The following LIMCH1 variants were observed in gnomAD, a reference collection of about 807,000 sequenced individuals.
The protein encoded by LIMCH1 is LIM and calponin homology domains-containing protein 1.
In LIMCH1, 113 loss-of-function variants were observed where a neutral mutation model predicts 176.5. That is an observed-to-expected ratio of 0.64 (90% confidence interval 0.55 to 0.75). LIMCH1 has a LOEUF of 0.75. Ranked by LOEUF, LIMCH1 falls within the 30% of genes least tolerant of loss-of-function variation. The pLI, the probability that LIMCH1 is intolerant of heterozygous loss-of-function variation, is 0.00. For synonymous variants in LIMCH1, 619 were observed against 645.9 expected, an observed-to-expected ratio of 0.96 and a Z score of 0.63; for missense variants, 1,674 against 1,814.9, an observed-to-expected ratio of 0.92 and a Z score of 1.41.
chr4:41,453,933 C>T (rs967600020), intron 1 of LIMCH1, among the ~76,000 whole-genome samples: 1 of 152,048 alleles, frequency 6.6e-6, no homozygotes, highest in African/African-American at 2.4e-5. Flanking sequence ...CCATCTGCCT[C>T]CCCTCTTCTA....
chr4:41,399,005 G>A (rs1327050468), intron 1 of LIMCH1, among the ~76,000 whole-genome samples: 1 of 152,160 alleles, frequency 6.6e-6, no homozygotes, highest in Non-Finnish European at 1.5e-5. Flanking sequence ...TCTATGAAAA[G>A]ATTTCAGCTA....
intron 1 of LIMCH1, among the ~76,000 whole-genome samples, chr4:41,563,985 C>T (rs965358869): frequency 2.6e-5 from 4 of 152,158 alleles, no homozygotes; most frequent in Non-Finnish European, 5.9e-5. Flanking sequence ...GAACTGTGTT[C>T]CCCCTCTCTG....
Position 41,595,627 on chromosome 4 carries a change from G to A in LIMCH1, c.-240-3293G>A, listed in dbSNP as rs1271663792. ...TAGCTAGATGGCAAATGCTTGAAGAGTGTAAGGTATAAATGTTTAGTTCAT... is the reference window on the plus strand; with the variant it reads ...TAGCTAGATGGCAAATGCTTGAAGAATGTAAGGTATAAATGTTTAGTTCAT... On this transcript the variant is annotated intron_variant, in intron 1 of 31. Coordinates refer to ENST00000503057, the MANE Select transcript of LIMCH1 (RefSeq NM_001330672.2). Among the ~76,000 whole-genome samples, 3 of 152,194 alleles carry A rather than the reference G, an allele frequency of 2.0e-5. No homozygotes were observed. In the East Asian group the frequency reaches 5.8e-4, roughly 29 times the overall value.
chr4:41,579,701 T>C (rs1201803355), intron 1 of LIMCH1, among the ~76,000 whole-genome samples: 1 of 152,184 alleles, frequency 6.6e-6, no homozygotes, highest in African/African-American at 2.4e-5. Context: ...TTTTCTCTCC[T>C]CCCCCACTGT....
chr4:41,526,435 CTCTT>C (rs1442622497), intron 3 of LIMCH1, among the ~76,000 whole-genome samples: 1 of 152,168 alleles, frequency 6.6e-6, no homozygotes, highest in Non-Finnish European at 1.5e-5. Context: ...CCTGGTCAAA[CTCTT>C]TTCCTTTGCT....
intron 4 of LIMCH1, chr4:41,612,424 G>C (rs145650623): frequency 1.6e-6 from 1 of 634,316 alleles, no homozygotes; most frequent in East Asian, 2.7e-5. Flanking sequence ...AGTCTTTGCG[G>C]ATGAGAACAT....
chr4:41,627,542 A>G (rs554026180), intron 8 of LIMCH1, among the ~76,000 whole-genome samples: 2 of 152,332 alleles, frequency 1.3e-5, no homozygotes, highest in South Asian at 4.1e-4. Flanking sequence ...ATGATAATGG[A>G]TATTTCCCAT....
At position 41,425,959 on chromosome 4, in the gene LIMCH1, G is replaced by A. The variant is rs187798823; in HGVS notation, c.96+65023G>A. ...TTAAGGAACATTTATATGCATGTGA[G>A]TGGTTTTGATTTGAAACTAAGGATG... On this transcript the variant is annotated intron_variant, in intron 1 of 26. Transcript: ENST00000313860. 1.5e-4 allele frequency among the ~76,000 whole-genome samples: 23 copies of A among 151,648 alleles called. No homozygotes were observed. In the East Asian group the frequency reaches 4.5e-3, roughly 29 times the overall value.
chr4:41,545,763 T>A (rs1270707451), intron 1 of LIMCH1, among the ~76,000 whole-genome samples: 1 of 152,232 alleles, frequency 6.6e-6, no homozygotes, highest in South Asian at 2.1e-4. Flanking sequence ...TTAACTTTTT[T>A]AAAAGTCAAG....
intron 1 of LIMCH1, among the ~76,000 whole-genome samples, chr4:41,428,225 G>A (rs1261415142): frequency 6.6e-6 from 1 of 152,178 alleles, no homozygotes; most frequent in East Asian, 1.9e-4. Flanking sequence ...AGGCCAGTTG[G>A]TTTGGTTTCA....
intron 5 of LIMCH1, among the ~76,000 whole-genome samples, chr4:41,618,840 A>C (rs183544773): frequency 3.0e-4 from 46 of 152,300 alleles, no homozygotes; most frequent in African/African-American, 1.1e-3. Context: ...GCTCAGTGAA[A>C]ACTTCATTGG....
intron 2 of LIMCH1, among the ~76,000 whole-genome samples, chr4:41,602,939 A>G (rs1232961235): frequency 2.0e-5 from 3 of 152,158 alleles, no homozygotes; most frequent in African/African-American, 7.2e-5. Flanking sequence ...GCTTCTTTCA[A>G]TCTATGTCCT....
At position 41,621,977 on chromosome 4, in the gene LIMCH1, T is replaced by TA. The variant is rs527461708; in HGVS notation, c.725+1298dup. On this transcript the variant is annotated intron_variant, in intron 7 of 31. Transcript: ENST00000503057. ...ATTTAATTCTAGAGTACCTTTGTAT[T>TA]AAAAAAAAAAACAACTAAGGATATA... Among the ~76,000 whole-genome samples the TA allele has an allele frequency of 6.2e-3, 908 of 145,826 alleles. 8 individuals carry two copies. Among genetic ancestry groups the TA allele is most frequent in the East Asian group, 0.025 (126 of 5,038 alleles).
chr4:41,611,079 C>G (rs1479732501), intron 4 of LIMCH1, among the ~76,000 whole-genome samples: 1 of 152,142 alleles, frequency 6.6e-6, no homozygotes, highest in East Asian at 1.9e-4. Flanking sequence ...AAGTCAAATC[C>G]TGAAAGCTTT....
chr4:41,475,280 A>T (rs1308678558), intron 1 of LIMCH1, among the ~76,000 whole-genome samples: 6 of 152,230 alleles, frequency 3.9e-5, no homozygotes, highest in Non-Finnish European at 2.9e-5. Context: ...CTTTGTTTTC[A>T]ATCATTATTT....
chr4:41,666,748 A>G (rs2152995948), intron 21 of LIMCH1, 82 bp downstream of exon 21: 1 of 921,764 alleles, frequency 1.1e-6, no homozygotes, highest in Non-Finnish European at 1.7e-6. Context: ...AAGGAAGATT[A>G]CGTCCTTTAT....
chr4:41,595,790 G>T (rs896948616), intron 1 of LIMCH1, among the ~76,000 whole-genome samples: 1 of 152,036 alleles, frequency 6.6e-6, no homozygotes, highest in Non-Finnish European at 1.5e-5. Flanking sequence ...GGACATGGTG[G>T]CTCATGCCTG....
At position 41,463,564 on chromosome 4, in the gene LIMCH1, C is replaced by CTT. The variant is rs759313591; in HGVS notation, c.97-30959_97-30958dup. Reference sequence around the variant, plus strand: ...TCCCTACCCCTCACTTCTCCCAATCCTTTTTTTTTTTTTTAACTTTTATTT... The same window carrying CTT: ...TCCCTACCCCTCACTTCTCCCAATCCTTTTTTTTTTTTTTTTAACTTTTATTT... On this transcript the variant is annotated intron_variant, in intron 1 of 26. Coordinates refer to the LIMCH1 transcript ENST00000313860. 1.2e-3 allele frequency among the ~76,000 whole-genome samples: 172 copies of CTT among 141,656 alleles called. 1 individual carries two copies. The highest frequency in any genetic ancestry group is 4.2e-3 in the African/African-American group (163 of 38,850). 92.9% of individuals were successfully genotyped at this position (141,656 alleles called of 152,430 possible).
chr4:41,406,755 T>C (rs144910257), intron 1 of LIMCH1, among the ~76,000 whole-genome samples: 40 of 152,300 alleles, frequency 2.6e-4, no homozygotes, highest in African/African-American at 8.9e-4. Context: ...ATTGCCTGGG[T>C]AATCAGACCT....
Sources: gnomAD v4.1 joint callset for allele counts (sites outside exome capture counted in the v4.1 genomes callset) on GRCh38, gnomAD v4.1.1 for gene constraint, MANE v1.5 for transcripts, NCBI Gene and HGNC (gene_info 2026-07-23, HGNC 2026-07-21) for gene names.